RBKS: variants seen among roughly 807,000 people sequenced by gnomAD.
RBKS encodes the protein ribokinase.
RBKS carries 33 observed loss-of-function variants against 33.9 expected under a neutral mutation model. The observed-to-expected ratio is 0.97, with a 90% confidence interval of 0.74 to 1.30. The LOEUF (loss-of-function observed/expected upper bound fraction) is 1.30. Among genes scored for constraint, RBKS ranks in the 50% most tolerant of loss-of-function variants. RBKS has a pLI of 0.00. For synonymous variants in RBKS, 125 were observed against 143.0 expected (o/e 0.87, Z 0.90); for missense variants, 361 against 392.6 (o/e 0.92, Z 0.68).
rs1446377936 is a variant in RBKS, at chr2:27,803,713, AG to A, written c.796-21926del. On this transcript the variant is annotated intron_variant, in intron 7 of 7. Transcript: ENST00000302188. ...AGACTCTGTCTCAAAAAAAAAAAAA[AG>A]TCTGAGATAATCCATTTTTTAATTA... is the stretch of plus-strand genomic sequence containing the variant. Among the ~76,000 whole-genome samples the A allele has an allele frequency of 4.2e-4, 61 of 146,210 alleles. No individual in the cohort carries two copies. The South Asian group carries it at 0.012, about 30-fold the overall frequency.
At chr2:27,871,790 C>T (rs1425070770) in intron 1 of RBKS, among the ~76,000 whole-genome samples, 1 of 152,194 alleles carries the variant, frequency 6.6e-6, no homozygotes, top group Non-Finnish European at 1.5e-5. Flanking sequence ...ATTTGCCACT[C>T]ACTGATAGGG....
rs150887927 is a variant in RBKS at position 27,816,463 on chromosome 2, G to A, written c.795+11104C>T. On this transcript the variant is annotated intron_variant, in intron 7 of 7. Transcript: ENST00000302188. The stretch of plus-strand genomic sequence containing the variant: ...GAGTTTTACTAACATCATTTCTAAG[G>A]TTAAGAGGGCTGTTTCGGAACCTCA... Among the ~76,000 whole-genome samples the A allele has an allele frequency of 2.3e-4, 35 of 152,170 alleles. No homozygotes were observed. The East Asian group carries it at 6.0e-3, about 26-fold the overall frequency.
At chr2:27,881,059 CAACCAACAAACA>C (rs879722132) in intron 1 of RBKS, among the ~76,000 whole-genome samples, 11 of 147,378 alleles carry the variant, frequency 7.5e-5, no homozygotes, top group African/African-American at 1.9e-4. Context: ...GCAAACCAAC[CAACCAACAAACA>C]AACAAACAAA....
chr2:27,880,527 G>T (rs1279402852), intron 1 of RBKS, among the ~76,000 whole-genome samples: 1 of 151,968 alleles, frequency 6.6e-6, no homozygotes, highest in African/African-American at 2.4e-5. Context: ...CCATAATCTT[G>T]GCCCAAAAGC....
intron 1 of RBKS, among the ~76,000 whole-genome samples, chr2:27,868,022 A>G (rs1244282700): frequency 6.6e-6 from 1 of 152,216 alleles, no homozygotes; most frequent in African/African-American, 2.4e-5. Flanking sequence ...CTACAAAACC[A>G]ATATTTTATT....
intron 1 of RBKS, among the ~76,000 whole-genome samples, chr2:27,887,800 A>T (rs889839513): frequency 1.3e-5 from 2 of 152,130 alleles, no homozygotes; most frequent in African/African-American, 4.8e-5. Flanking sequence ...TGTGAAGAGA[A>T]GAAACTTGGA....
chr2:27,818,254 A>T lies in RBKS; in HGVS notation c.795+9313T>A, dbSNP rs1301215952. Among the ~76,000 whole-genome samples, 3 of 152,304 alleles carry T rather than the reference A, an allele frequency of 2.0e-5. No homozygotes were observed. The East Asian group carries it at 5.8e-4, about 29-fold the overall frequency. Reference sequence around the variant, plus strand: ...ACTGTTCTCAGGGTATACGTGGATTATTTCATTTAAACGAGGCTGCAGTGT... The same window carrying T: ...ACTGTTCTCAGGGTATACGTGGATTTTTTCATTTAAACGAGGCTGCAGTGT... On this transcript the variant is annotated intron_variant, in intron 7 of 7. Coordinates refer to ENST00000302188, the MANE Select transcript of RBKS (RefSeq NM_022128.3).
In RBKS at chr2:27,837,145, G is replaced by A. The variant is rs991395493; in HGVS notation, c.515-4368C>T. 6.6e-6 allele frequency among the ~76,000 whole-genome samples: 1 copy of A among 151,964 alleles called. No individual in the cohort carries two copies. Among genetic ancestry groups the A allele is most frequent in the East Asian group, 1.9e-4 (1 of 5,184 alleles). On this transcript the variant is annotated intron_variant, in intron 5 of 7. Coordinates refer to ENST00000302188, the MANE Select transcript of RBKS (RefSeq NM_022128.3). This position sits in a 1 kb window ranked among gnomAD's most constrained non-coding sequence, Gnocchi z 4.0. ...AAATATTAGCCGGGCATGGTGGCAG[G>A]TGCCTGTAGTCCCAGCTACTCGGGA...
At chr2:27,811,276 T>C (rs1357102180) in intron 7 of RBKS, among the ~76,000 whole-genome samples, 1 of 152,210 alleles carries the variant, frequency 6.6e-6, no homozygotes, top group African/African-American at 2.4e-5. Context: ...CTATGCACTC[T>C]TCTAGATTCC....
In RBKS at chr2:27,791,338, G is replaced by C. The variant is rs963725288; in HGVS notation, c.796-9550C>G. 8.5e-5 allele frequency among the ~76,000 whole-genome samples: 13 copies of C among 152,246 alleles called. No homozygotes were observed. The East Asian group carries it at 2.3e-3, about 27-fold the overall frequency. On this transcript the variant is annotated intron_variant, in intron 7 of 7. Coordinates refer to ENST00000302188, the MANE Select transcript of RBKS (RefSeq NM_022128.3). ...GAAGAGACTGTCATTTTAATTTGTAGACTGAGTAAAGAAGATTGATCCTCA... is the reference window on the plus strand; with the variant it reads ...GAAGAGACTGTCATTTTAATTTGTACACTGAGTAAAGAAGATTGATCCTCA...
At chr2:27,880,178 G>A (rs1459397616) in intron 1 of RBKS, among the ~76,000 whole-genome samples, 2 of 152,176 alleles carry the variant, frequency 1.3e-5, no homozygotes, top group Non-Finnish European at 2.9e-5. Context: ...AAAGCCACAC[G>A]ATTATCTCAA....
intron 7 of RBKS, among the ~76,000 whole-genome samples, chr2:27,805,973 G>A (rs764770415): frequency 6.6e-6 from 1 of 151,756 alleles, no homozygotes; most frequent in African/African-American, 2.4e-5. Flanking sequence ...CTCACTGTAG[G>A]CTCAACCTCC....
At chr2:27,878,673 C>T (rs570575235) in intron 1 of RBKS, among the ~76,000 whole-genome samples, 87 of 152,232 alleles carry the variant, frequency 5.7e-4, no homozygotes, top group Admixed American at 1.8e-3. Context: ...TCTATTTCTC[C>T]ACATCCTCTC....
chr2:27,796,751 A>T (rs1677674266), intron 7 of RBKS, among the ~76,000 whole-genome samples: 1 of 151,902 alleles, frequency 6.6e-6, no homozygotes, highest in Non-Finnish European at 1.5e-5. Context: ...GGAGAATCTG[A>T]GAGGCAGGAG....
intron 7 of RBKS, among the ~76,000 whole-genome samples, chr2:27,786,252 T>C (rs1028824093): frequency 6.6e-6 from 1 of 152,244 alleles, no homozygotes; most frequent in East Asian, 1.9e-4. Context: ...CTTCTTTATA[T>C]ACTTTTATAT....
At chr2:27,824,499 G>A (rs895472765) in intron 7 of RBKS, among the ~76,000 whole-genome samples, 10 of 152,076 alleles carry the variant, frequency 6.6e-5, no homozygotes, top group African/African-American at 2.4e-4. Flanking sequence ...TTTGTGTCTG[G>A]CTTCTTTCAC....
chr2:27,883,396 T>C (rs1227429190), intron 1 of RBKS, among the ~76,000 whole-genome samples: 2 of 152,094 alleles, frequency 1.3e-5, no homozygotes, highest in Admixed American at 6.5e-5. Context: ...AGATGGGGTT[T>C]CACCGTATTA....
In RBKS at chr2:27,795,334, G is replaced by A. The variant is rs1013449528; in HGVS notation, c.796-13546C>T. Among the ~76,000 whole-genome samples, 4 of 152,156 alleles carry A rather than the reference G, an allele frequency of 2.6e-5. No individual in the cohort carries two copies. The highest frequency in any genetic ancestry group is 9.7e-5 in the African/African-American group (4 of 41,420). The stretch of plus-strand genomic sequence containing the variant: ...CCACAAAGAAGCAGGGAGGCTCCTG[G>A]CTGACAGGGGCCTTCGGGTCAAAGA... On this transcript the variant is annotated intron_variant, in intron 7 of 7. Transcript: ENST00000302188. This position sits in a 1 kb window ranked among gnomAD's most constrained non-coding sequence, Gnocchi z 4.1.
At chr2:27,812,131 C>A (rs186018494) in intron 7 of RBKS, among the ~76,000 whole-genome samples, 1 of 152,246 alleles carries the variant, frequency 6.6e-6, no homozygotes, top group African/African-American at 2.4e-5. Flanking sequence ...AAATGCTCAT[C>A]ATCACTGGCC....
Sources: gnomAD v4.1 joint callset for allele counts (sites outside exome capture counted in the v4.1 genomes callset) on GRCh38, gnomAD v4.1.1 for gene constraint, Gnocchi (gnomAD v3.1) non-coding constraint, MANE v1.5 for transcripts, NCBI Gene and HGNC (gene_info 2026-07-23, HGNC 2026-07-21) for gene names.